TUSC3: variants seen among roughly 807,000 people sequenced by gnomAD.
TUSC3 encodes the protein tumor suppressor candidate 3.
Under a neutral mutation model 44.8 loss-of-function variants are expected in TUSC3, and 45 were observed. That is an observed-to-expected ratio of 1.00 (90% CI 0.79 to 1.29). The LOEUF is 1.29. Among genes scored for constraint, TUSC3 ranks in the 50% most tolerant of loss-of-function variants. The probability of loss-of-function intolerance (pLI) is 0.00; values close to 1 mark genes in which losing one functional copy is unlikely to be tolerated. For synonymous variants in TUSC3, 212 were observed against 152.9 expected (o/e 1.39, Z -2.85); for missense variants, 519 against 437.9 (o/e 1.19, Z -1.65).
chr8:15,792,215 T>C, the TUSC3 span, among the ~76,000 whole-genome samples: 1 of 152,112 alleles, frequency 6.6e-6, no homozygotes, highest in Non-Finnish European at 1.5e-5. Context: ...TACCAAGCAA[T>C]GTTTTAAAAC....
chr8:15,797,860 T>A, the TUSC3 span, among the ~76,000 whole-genome samples: 37 of 152,308 alleles, frequency 2.4e-4, no homozygotes, highest in African/African-American at 8.2e-4. Context: ...TTGGGAGCAA[T>A]AACTGAATTC....
At chr8:15,797,993 G>A in the TUSC3 span, among the ~76,000 whole-genome samples, 1 of 152,102 alleles carries the variant, frequency 6.6e-6, no homozygotes, top group Non-Finnish European at 1.5e-5. Context: ...CCTTCAACAG[G>A]CTATGATCTT....
At chr8:15,811,655 C>G in the TUSC3 span, among the ~76,000 whole-genome samples, 1 of 152,064 alleles carries the variant, frequency 6.6e-6, no homozygotes, top group Non-Finnish European at 1.5e-5. Flanking sequence ...TCAAAATTGA[C>G]CTATGAATTC....
intron 1 of TUSC3, among the ~76,000 whole-genome samples, chr8:15,557,061 A>G (rs1220322528): frequency 0.014 from 1,415 of 97,866 alleles, 29 homozygotes; most frequent in East Asian, 0.14. Context: ...TTGGTGTTTT[A>G]GACATGAAGT....
Position 15,581,629 on chromosome 8 carries a change from T to A in TUSC3, c.138+41061T>A, listed in dbSNP as rs527248914. ...CGGGGTGCCTCCCAGTTAGGCTGCT[T>A]GGGGGTCAGGGGTCAGGGACCCACT... On this transcript the variant is annotated intron_variant, in intron 1 of 10. Transcript: ENST00000503731. 1.7e-3 allele frequency among the ~76,000 whole-genome samples: 250 copies of A among 149,192 alleles called. 7 individuals carry two copies. In the East Asian group the frequency reaches 0.036, roughly 22 times the overall value.
intron 1 of TUSC3, among the ~76,000 whole-genome samples, chr8:15,435,533 A>C (rs1799934984): frequency 6.6e-6 from 1 of 152,216 alleles, no homozygotes; most frequent in African/African-American, 2.4e-5. Context: ...CAAAATACTA[A>C]TATAGAAGTA....
intron 2 of TUSC3, among the ~76,000 whole-genome samples, chr8:15,490,237 A>G (rs1585063758): frequency 6.6e-6 from 1 of 152,208 alleles, no homozygotes; most frequent in South Asian, 2.1e-4. Context: ...AGACAGGAGA[A>G]ACAAAGAGAA....
chr8:15,604,898 C>G (rs1804454150), intron 1 of TUSC3, among the ~76,000 whole-genome samples: 1 of 151,726 alleles, frequency 6.6e-6, no homozygotes, highest in Non-Finnish European at 1.5e-5. Context: ...ATATTGGTTT[C>G]TTGTATCTGT....
chr8:15,764,118 G>A (rs540056697), intron 10 of TUSC3, 85 bp from the exon 11 acceptor site: 1 of 1,285,850 alleles, frequency 7.8e-7, no homozygotes, highest in Non-Finnish European at 1.1e-6. Flanking sequence ...ATATTTACAT[G>A]TGCTAATTTA....
At chr8:15,698,885 G>T (rs1809281193) in intron 6 of TUSC3, among the ~76,000 whole-genome samples, 1 of 149,960 alleles carries the variant, frequency 6.7e-6, no homozygotes, top group Non-Finnish European at 1.5e-5. Context: ...TTCTCCTGTG[G>T]CCCAGGCTGG....
chr8:15,614,219 A>G (rs1804889240), intron 1 of TUSC3, among the ~76,000 whole-genome samples: 2 of 152,084 alleles, frequency 1.3e-5, no homozygotes, highest in East Asian at 3.9e-4. Context: ...TAATCACCTC[A>G]TGGAAACACT....
intron 8 of TUSC3, among the ~76,000 whole-genome samples, chr8:15,744,288 A>C (rs1348766491): frequency 3.9e-5 from 6 of 152,152 alleles, no homozygotes; most frequent in Non-Finnish European, 1.5e-5. Flanking sequence ...TGAGAAGTAA[A>C]GAGTTTTCTA....
intron 1 of TUSC3, among the ~76,000 whole-genome samples, chr8:15,564,608 T>C (rs1802596727): frequency 1.3e-5 from 2 of 152,168 alleles, no homozygotes; most frequent in Admixed American, 6.5e-5. Context: ...TTTACATCCG[T>C]TGATGGTGTG....
intron 1 of TUSC3, among the ~76,000 whole-genome samples, chr8:15,544,529 A>G (rs552794135): frequency 1.3e-5 from 2 of 152,020 alleles, no homozygotes; most frequent in East Asian, 3.9e-4. Context: ...GTTTGACTAA[A>G]TAAAACATAT....
chr8:15,426,871 C>G (rs527289437), intron 1 of TUSC3, among the ~76,000 whole-genome samples: 1 of 152,172 alleles, frequency 6.6e-6, no homozygotes, highest in Non-Finnish European at 1.5e-5. Flanking sequence ...AAGGGTTCCA[C>G]ATTTTCTACA....
At chr8:15,425,172 G>T (rs772449265) in intron 1 of TUSC3, among the ~76,000 whole-genome samples, 1 of 152,164 alleles carries the variant, frequency 6.6e-6, no homozygotes, top group Non-Finnish European at 1.5e-5. Context: ...GGGGATGGGA[G>T]ATTAAATGAA....
intron 2 of TUSC3, among the ~76,000 whole-genome samples, chr8:15,487,949 A>T (rs1800755189): frequency 6.6e-6 from 1 of 151,352 alleles, no homozygotes; most frequent in Admixed American, 6.6e-5. Flanking sequence ...CATATTATTG[A>T]AAACACTCTC....
chr8:15,824,376 T>C, the TUSC3 span, among the ~76,000 whole-genome samples: 1 of 152,160 alleles, frequency 6.6e-6, no homozygotes, highest in Non-Finnish European at 1.5e-5. Flanking sequence ...TATCAACTGA[T>C]GGGCTTAATA....
intron 6 of TUSC3, among the ~76,000 whole-genome samples, chr8:15,690,036 G>A (rs1179680655): frequency 6.6e-6 from 1 of 151,998 alleles, no homozygotes; most frequent in Non-Finnish European, 1.5e-5. Flanking sequence ...CACAATAATG[G>A]GATGGCTGGG....
Sources: gnomAD v4.1 joint callset for allele counts (sites outside exome capture counted in the v4.1 genomes callset) on GRCh38, gnomAD v4.1.1 for gene constraint, MANE v1.5 for transcripts, NCBI Gene and HGNC (gene_info 2026-07-23, HGNC 2026-07-21) for gene names.